The following SPEN variants were observed in gnomAD, a reference collection of about 807,000 sequenced individuals.
The protein encoded by SPEN is spen family transcriptional repressor, also known as msx2-interacting protein.
A neutral mutation model predicts 269.9 loss-of-function variants in SPEN; 18 were observed. The ratio of observed to expected loss-of-function variants is 0.07; its 90% CI spans 0.05 to 0.10. The LOEUF (loss-of-function observed/expected upper bound fraction) is 0.10, where lower values mean the gene tolerates loss of function less well. Ranked by LOEUF, SPEN falls within the 10% of genes least tolerant of loss-of-function variation. The pLI is 1.00. For synonymous variants in SPEN, 1,726 were observed against 1,765.7 expected, an observed-to-expected ratio of 0.98 and a Z score of 0.56; for missense variants, 3,822 against 4,631.2, an observed-to-expected ratio of 0.83 and a Z score of 5.07.
At position 15,861,680 on chromosome 1, in the gene SPEN, G is replaced by T. The variant is rs947836745; in HGVS notation, c.84-11136G>T. 3.3e-5 allele frequency among the ~76,000 whole-genome samples: 5 copies of T among 151,808 alleles called. No individual in the cohort carries two copies. The East Asian group carries it at 9.7e-4, about 29-fold the overall frequency. On this transcript the variant is annotated intron_variant, in intron 1 of 14. Coordinates refer to ENST00000375759, the MANE Select transcript of SPEN (RefSeq NM_015001.3). ...GGGAGTAGTGACAGGGTCTTGCTGT[G>T]TTTCCAGGCTGGTCTCAAAACTCCT...
chr1:15,874,316 C>A, intron 2 of SPEN: 1 of 1,366,376 alleles, frequency 7.3e-7, no homozygotes, highest in Non-Finnish European at 9.8e-7. Context: ...TAAGAGGGGC[C>A]AAAATTGGGG....
intron 3 of SPEN, among the ~76,000 whole-genome samples, chr1:15,907,955 ACT>A (rs1488356934): frequency 3.3e-5 from 5 of 151,746 alleles, no homozygotes; most frequent in African/African-American, 1.2e-4. Flanking sequence ...CCTTCAGTTG[ACT>A]CTCTTTCTGT....
intron 3 of SPEN, among the ~76,000 whole-genome samples, chr1:15,898,083 C>G (rs985938342): frequency 1.3e-5 from 2 of 151,904 alleles, no homozygotes; most frequent in African/African-American, 4.8e-5. Flanking sequence ...CAGCAGGTAG[C>G]TTACTTTGAC....
chr1:15,849,576 C>G (rs970917042), intron 1 of SPEN, among the ~76,000 whole-genome samples: 1 of 151,608 alleles, frequency 6.6e-6, no homozygotes, highest in African/African-American at 2.4e-5. Flanking sequence ...CTTCCAGGGA[C>G]TCTCCCGGTG....
At chr1:15,938,233 A>G (rs897184126) in intron 13 of SPEN, among the ~76,000 whole-genome samples, 3 of 152,160 alleles carry the variant, frequency 2.0e-5, no homozygotes, top group African/African-American at 7.2e-5. Flanking sequence ...CCTCCTGAGT[A>G]GCTGGGATTA....
intron 3 of SPEN, among the ~76,000 whole-genome samples, chr1:15,899,114 T>C (rs1380952941): frequency 6.6e-6 from 1 of 152,206 alleles, no homozygotes; most frequent in African/African-American, 2.4e-5. Context: ...ACCATTTTAC[T>C]TTCCCGTCAG....
rs964471397 is a variant in SPEN, at chr1:15,918,916, G to T, written c.1396-10G>T. 41 of 1,602,786 alleles carry T rather than the reference G, an allele frequency of 2.6e-5. No individual in the cohort carries two copies. Among genetic ancestry groups the T allele is most frequent in the Middle Eastern group, 1.6e-4 (1 of 6,062 alleles). On this transcript the variant is annotated splice_polypyrimidine_tract_variant and intron_variant, in intron 6 of 14. Coordinates refer to ENST00000375759, the MANE Select transcript of SPEN (RefSeq NM_015001.3). ...GCATATTGCTAAGTTGTATTCATTGGTTTTTTCAGGATATTGACATTAAGA... is the reference window on the plus strand; with the variant it reads ...GCATATTGCTAAGTTGTATTCATTGTTTTTTTCAGGATATTGACATTAAGA...
At chr1:15,888,789 G>T (rs2070762660) in intron 3 of SPEN, among the ~76,000 whole-genome samples, 1 of 151,714 alleles carries the variant, frequency 6.6e-6, no homozygotes, top group Non-Finnish European at 1.5e-5. Context: ...GCGCCACCAT[G>T]CCCAGCTAAT....
intron 5 of SPEN, among the ~76,000 whole-genome samples, chr1:15,913,843 C>A (rs1056053325): frequency 4.0e-5 from 6 of 151,846 alleles, no homozygotes; most frequent in Non-Finnish European, 8.8e-5. Context: ...GGCAACAGAG[C>A]AAGACCCTGT....
chr1:15,929,080 G>C lies in SPEN; in HGVS notation c.2840G>C (p.Ser947Thr). The C allele has an allele frequency of 6.2e-7, 1 of 1,614,214 alleles. No individual in the cohort carries two copies. The highest frequency in any genetic ancestry group is 8.5e-7 in the Non-Finnish European group (1 of 1,180,042). ...GTACCAAAGGAAAAGGGGCTTTCAAGCCATGTTGAAGTGGTGGAGAAGGAA... is the reference window on the plus strand; with the variant it reads ...GTACCAAAGGAAAAGGGGCTTTCAACCCATGTTGAAGTGGTGGAGAAGGAA... Reference protein sequence around the residue: ...MKVPKEKGLSSHVEVVEKEGR... With the variant: ...MKVPKEKGLSTHVEVVEKEGR... The change falls in exon 11 of 15, where the codon AGC becomes ACC. Residue 947 changes from serine (S) to threonine (T), a missense_variant. Around this residue, in one of 16 missense-constraint regions of SPEN, gnomAD observed 572 missense variants for 582.6 expected, o/e 0.98. Coordinates refer to ENST00000375759, the MANE Select transcript of SPEN (RefSeq NM_015001.3). The surrounding 1 kb of genome is among the most constrained non-coding windows in gnomAD (Gnocchi z 5.8).
At chr1:15,924,227 C>T (rs2071146243) in intron 10 of SPEN, among the ~76,000 whole-genome samples, 1 of 152,184 alleles carries the variant, frequency 6.6e-6, no homozygotes, top group Non-Finnish European at 1.5e-5. Context: ...AAAAAATTCT[C>T]TATCCTGGCT....
chr1:15,902,086 G>A (rs1448466396), intron 3 of SPEN, among the ~76,000 whole-genome samples: 1 of 151,754 alleles, frequency 6.6e-6, no homozygotes, highest in Non-Finnish European at 1.5e-5. Flanking sequence ...GTGCCACCAC[G>A]CCCCGCTAAT....
intron 3 of SPEN, among the ~76,000 whole-genome samples, chr1:15,908,177 C>T (rs996047377): frequency 6.6e-6 from 1 of 152,108 alleles, no homozygotes; most frequent in Non-Finnish European, 1.5e-5. Context: ...AGTGCTACTA[C>T]TACTACTACT....
At chr1:15,862,120 T>G (rs1193537250) in intron 1 of SPEN, among the ~76,000 whole-genome samples, 1 of 152,172 alleles carries the variant, frequency 6.6e-6, no homozygotes, top group African/African-American at 2.4e-5. Context: ...TTGATGTGGA[T>G]TTTTGCTAAT....
intron 3 of SPEN, among the ~76,000 whole-genome samples, chr1:15,906,752 C>A (rs1470004672): frequency 2.0e-5 from 3 of 148,048 alleles, no homozygotes; most frequent in Non-Finnish European, 4.5e-5. Context: ...TCGTGAGCCA[C>A]TGCACTCGGC....
chr1:15,927,873 T>A (rs1235718606), intron 10 of SPEN, among the ~76,000 whole-genome samples: 2 of 152,230 alleles, frequency 1.3e-5, no homozygotes, highest in African/African-American at 4.8e-5. Flanking sequence ...TCTACAAAAT[T>A]GGCTGTGTAT....
intron 3 of SPEN, among the ~76,000 whole-genome samples, chr1:15,888,308 C>A (rs114189881): frequency 1.5e-4 from 22 of 150,398 alleles, no homozygotes; most frequent in African/African-American, 5.4e-4. Flanking sequence ...ACTATGTAAA[C>A]TCTTTTTTTT....
intron 3 of SPEN, among the ~76,000 whole-genome samples, chr1:15,903,632 T>TC (rs149058622): frequency 0.031 from 4,716 of 152,190 alleles, 110 homozygotes; most frequent in South Asian, 0.078. Flanking sequence ...TGCCTTGGCC[T>TC]CCCAAAGTAT....
Position 15,934,727 on chromosome 1 carries a change from G to C in SPEN, c.8487G>C (p.Arg2829=). The change falls in exon 11 of 15, where the codon CGG becomes CGC. Residue 2829 remains arginine, a synonymous_variant. Coordinates refer to ENST00000375759, the MANE Select transcript of SPEN (RefSeq NM_015001.3). The surrounding 1 kb of genome is among the most constrained non-coding windows in gnomAD (Gnocchi z 9.2). ...YSGQKTEGPQ[R]ISAKISQIPP... is the part of the protein sequence containing the mutation. ...GGCAGAAGACCGAAGGCCCACAGCG[G>C]ATCAGCGCCAAGATCAGCCAGATCC... is the stretch of plus-strand genomic sequence containing the variant. The C allele has an allele frequency of 6.2e-7, 1 of 1,614,140 alleles. No homozygotes were observed. The highest frequency in any genetic ancestry group is 8.5e-7 in the Non-Finnish European group (1 of 1,180,002).
Sources: gnomAD v4.1 joint callset for allele counts (sites outside exome capture counted in the v4.1 genomes callset) on GRCh38, gnomAD v4.1.1 for gene constraint, gnomAD v4.1.1 regional missense constraint, Gnocchi (gnomAD v3.1) non-coding constraint, MANE v1.5 for transcripts, NCBI Gene and HGNC (gene_info 2026-07-23, HGNC 2026-07-21) for gene names.